The following SLC9A2 variants were observed in gnomAD, a reference collection of about 807,000 sequenced individuals.
The protein encoded by SLC9A2 is solute carrier family 9 member A2.
Under a neutral mutation model 71.7 loss-of-function variants are expected in SLC9A2, and 42 were observed. That is an observed-to-expected ratio of 0.59 (90% CI 0.46 to 0.76). The LOEUF (loss-of-function observed/expected upper bound fraction) is 0.76. Among genes scored for constraint, SLC9A2 ranks in the 30% least tolerant of loss-of-function variants. The pLI, the probability that SLC9A2 is intolerant of heterozygous loss-of-function variation, is 0.00. For synonymous variants in SLC9A2, 396 were observed against 392.5 expected (o/e 1.01, Z -0.10); for missense variants, 829 against 1,017.4 (o/e 0.81, Z 2.52).
chr2:102,652,754 A>G (rs1045442230), intron 1 of SLC9A2, among the ~76,000 whole-genome samples: 2 of 152,192 alleles, frequency 1.3e-5, no homozygotes, highest in African/African-American at 4.8e-5. Context: ...AGCCTTGTAA[A>G]AGCCATCCAA....
intron 3 of SLC9A2, among the ~76,000 whole-genome samples, chr2:102,670,849 C>CTTTTTTTTTTTTT (rs10687841): frequency 5.3e-5 from 4 of 75,892 alleles, no homozygotes; most frequent in African/African-American, 9.7e-5. Context: ...GGAAGGCATG[C>CTTTTTTTTTTTTT]TTTTTTTTTT....
rs755713939 is a variant in SLC9A2, at chr2:102,701,099, G to A, written c.1616G>A (p.Arg539Gln). 11 of 1,606,420 alleles carry A rather than the reference G, an allele frequency of 6.8e-6. No homozygotes were observed. The highest frequency in any genetic ancestry group is 1.7e-4 in the Middle Eastern group (1 of 5,874). Residue 539 changes from arginine to glutamine, a missense_variant, in exon 8 of 12, where the codon CGG becomes CAG. By Grantham distance (43) the Arg-to-Gln change is conservative. Coordinates refer to ENST00000233969, the MANE Select transcript of SLC9A2 (RefSeq NM_003048.6). ...KFKKFDDKYL[R>Q]KLLIRENQPK... ...AAGAAGTTTGATGATAAATATCTGCGGAAGCTTTTGATTCGGGAAAACCAA... is the reference window on the plus strand; with the variant it reads ...AAGAAGTTTGATGATAAATATCTGCAGAAGCTTTTGATTCGGGAAAACCAA...
rs76506388 is a variant in SLC9A2 at position 102,660,577 on chromosome 2, C to G, written c.753+2550C>G. Among the ~76,000 whole-genome samples the G allele has an allele frequency of 6.8e-3, 1,036 of 152,320 alleles. 16 individuals are homozygous for G. The highest frequency in any genetic ancestry group is 0.024 in the African/African-American group (978 of 41,580). ...AAAAATTCTAATTTTATCTCCTAGT[C>G]AGGTACCTTCAAAGAATAGAGGTGG... is the stretch of plus-strand genomic sequence containing the variant. On this transcript the variant is annotated intron_variant, in intron 2 of 11. Coordinates refer to ENST00000233969, the MANE Select transcript of SLC9A2 (RefSeq NM_003048.6).
At chr2:102,633,480 A>T (rs1259695771) in intron 1 of SLC9A2, among the ~76,000 whole-genome samples, 2 of 152,176 alleles carry the variant, frequency 1.3e-5, no homozygotes, top group African/African-American at 4.8e-5. Context: ...ACAGTCTCAG[A>T]TTGCCATTGT....
At chr2:102,670,622 A>G (rs1334258308) in intron 3 of SLC9A2, among the ~76,000 whole-genome samples, 2 of 135,960 alleles carry the variant, frequency 1.5e-5, no homozygotes, top group Non-Finnish European at 3.2e-5. Context: ...AAAAAAAAAA[A>G]CAACCCCAGC....
intron 5 of SLC9A2, among the ~76,000 whole-genome samples, chr2:102,687,367 TACA>T (rs1677566448): frequency 6.6e-6 from 1 of 152,178 alleles, no homozygotes. Flanking sequence ...TTTTCCAGAA[TACA>T]TCAATAATTA....
intron 3 of SLC9A2, among the ~76,000 whole-genome samples, chr2:102,676,318 A>G (rs762226569): frequency 1.1e-4 from 17 of 152,128 alleles, no homozygotes; most frequent in Non-Finnish European, 2.5e-4. Context: ...GGGACACTCC[A>G]TGGGACACTT....
Position 102,704,527 on chromosome 2 carries a change from A to G in SLC9A2, c.1846-17A>G, listed in dbSNP as rs1677935653. On this transcript the variant is annotated splice_polypyrimidine_tract_variant and intron_variant, in intron 9 of 11. Transcript: ENST00000233969. ...TTGTTTTTGTTTTTTAATGTCCTCT[A>G]TATGTTTTCATTCCAGACTTTATCC... 2.5e-6 allele frequency: 4 copies of G among 1,608,872 alleles called. No individual in the cohort carries two copies. Among genetic ancestry groups the G allele is most frequent in the Non-Finnish European group, 3.4e-6 (4 of 1,176,668 alleles).
Position 102,709,199 on chromosome 2 carries a change from A to G in SLC9A2, c.*710A>G, listed in dbSNP as rs946297204. 6.6e-6 allele frequency: 1 copy of G among 152,456 alleles called. No homozygotes were observed. Among genetic ancestry groups the G allele is most frequent in the African/African-American group, 2.4e-5 (1 of 41,460 alleles). The allele number at this position is 152,456 out of a possible 1,614,324, so 9.4% of individuals were successfully genotyped here. On this transcript the variant is annotated 3_prime_UTR_variant, in exon 12 of 12. Coordinates refer to ENST00000233969, the MANE Select transcript of SLC9A2 (RefSeq NM_003048.6). ...TACTGTGTGTTTGGGGGTGACATCT[A>G]AATTCCATTTCTTCTTCTTGTTTAA...
chr2:102,640,539 G>T (rs897179396), intron 1 of SLC9A2, among the ~76,000 whole-genome samples: 3 of 152,180 alleles, frequency 2.0e-5, no homozygotes, highest in Non-Finnish European at 4.4e-5. Flanking sequence ...CTAGTTTACT[G>T]GTTGTTATAA....
At chr2:102,626,880 T>C (rs1020818762) in intron 1 of SLC9A2, among the ~76,000 whole-genome samples, 1 of 152,156 alleles carries the variant, frequency 6.6e-6, no homozygotes, top group Non-Finnish European at 1.5e-5. Context: ...CAAATGAAAA[T>C]GTTACATTAT....
intron 1 of SLC9A2, among the ~76,000 whole-genome samples, chr2:102,648,931 G>A (rs1676781517): frequency 6.6e-6 from 1 of 152,142 alleles, no homozygotes; most frequent in Admixed American, 6.5e-5. Context: ...TAGATTCAAT[G>A]CTATCCCCAT....
chr2:102,642,496 C>T (rs1676603667), intron 1 of SLC9A2, among the ~76,000 whole-genome samples: 1 of 151,872 alleles, frequency 6.6e-6, no homozygotes, highest in Non-Finnish European at 1.5e-5. Flanking sequence ...GAATATTGAA[C>T]CAGCCTTGCA....
At chr2:102,676,226 A>T (rs764452095) in intron 3 of SLC9A2, among the ~76,000 whole-genome samples, 4 of 152,188 alleles carry the variant, frequency 2.6e-5, no homozygotes, top group Non-Finnish European at 5.9e-5. Context: ...TTCCACCTGG[A>T]AAACCTTCAT....
At chr2:102,654,677 A>C (rs982870414) in intron 1 of SLC9A2, among the ~76,000 whole-genome samples, 33 of 152,306 alleles carry the variant, frequency 2.2e-4, no homozygotes, top group African/African-American at 6.5e-4. Context: ...CACTTAACAA[A>C]GGGGATACGT....
chr2:102,670,465 T>C (rs1313411510), intron 3 of SLC9A2, among the ~76,000 whole-genome samples: 1 of 151,974 alleles, frequency 6.6e-6, no homozygotes, highest in Non-Finnish European at 1.5e-5. Flanking sequence ...TTAGTTTCAT[T>C]CTTATGAATA....
intron 1 of SLC9A2, among the ~76,000 whole-genome samples, chr2:102,644,686 ACT>A (rs1163796435): frequency 6.6e-6 from 1 of 152,078 alleles, no homozygotes; most frequent in Non-Finnish European, 1.5e-5. Context: ...TACAGTGTTA[ACT>A]CTGACTGTGC....
chr2:102,697,699 T>C (rs897678209), intron 7 of SLC9A2, among the ~76,000 whole-genome samples: 2 of 147,008 alleles, frequency 1.4e-5, no homozygotes, highest in Admixed American at 6.7e-5. Flanking sequence ...GGGGATGTGG[T>C]GCTGACACAA....
intron 3 of SLC9A2, among the ~76,000 whole-genome samples, chr2:102,681,948 T>C (rs1364739704): frequency 6.6e-6 from 1 of 152,218 alleles, no homozygotes; most frequent in Admixed American, 6.5e-5. Context: ...CCTATTCTGA[T>C]GCTCACAGTA....
Sources: allele counts gnomAD v4.1 joint callset (sites outside exome capture counted in the v4.1 genomes callset), GRCh38; gene constraint gnomAD v4.1.1; transcripts MANE v1.5; gene names NCBI Gene and HGNC (gene_info 2026-07-23, HGNC 2026-07-21).